ZDHHC17: variants seen among roughly 807,000 people sequenced by gnomAD.
The protein encoded by ZDHHC17 is zDHHC palmitoyltransferase 17.
Under a neutral mutation model 90.3 loss-of-function variants are expected in ZDHHC17, and 40 were observed. That is an observed-to-expected ratio of 0.44 (90% confidence interval 0.34 to 0.58). ZDHHC17 has a LOEUF of 0.58. Ranked by LOEUF, ZDHHC17 falls within the 20% of genes least tolerant of loss-of-function variation. The pLI, the probability that ZDHHC17 is intolerant of heterozygous loss-of-function variation, is 0.01. For missense variants in ZDHHC17, 614 were observed against 780.8 expected, an observed-to-expected ratio of 0.79 and a Z score of 2.55; for synonymous variants, 235 against 252.4, an observed-to-expected ratio of 0.93 and a Z score of 0.65.
intron 16 of ZDHHC17, 133 bp from the exon 17 acceptor site, chr12:76,850,714 T>G: frequency 1.0e-6 from 1 of 995,702 alleles, no homozygotes; most frequent in Non-Finnish European, 1.5e-6. Flanking sequence ...AGTTATGAAT[T>G]GGTTCCTTCT....
chr12:76,791,754 C>CA (rs1462212328), intron 1 of ZDHHC17, among the ~76,000 whole-genome samples: 8 of 152,310 alleles, frequency 5.3e-5, no homozygotes, highest in African/African-American at 1.7e-4. Context: ...AGTCACAAAT[C>CA]AGGCCTCCAG....
At chr12:76,846,564 C>T (rs773693425) in intron 13 of ZDHHC17, 32 bp from the exon 14 acceptor site, 4 of 1,579,242 alleles carry the variant, frequency 2.5e-6, no homozygotes, top group African/African-American at 2.7e-5. Flanking sequence ...TTTTTCTTAG[C>T]TGAAAAACCT....
intron 1 of ZDHHC17, among the ~76,000 whole-genome samples, chr12:76,789,402 A>G (rs996511166): frequency 4.6e-5 from 7 of 152,168 alleles, no homozygotes; most frequent in Admixed American, 6.5e-5. Flanking sequence ...GAAGACAGAG[A>G]AGAGGAAAGC....
chr12:76,810,973 G>C (rs996678513), intron 5 of ZDHHC17, among the ~76,000 whole-genome samples: 1 of 152,154 alleles, frequency 6.6e-6, no homozygotes, highest in African/African-American at 2.4e-5. Flanking sequence ...TGTAGTGTCA[G>C]AACTTCTACT....
chr12:76,815,523 T>C (rs1178838758), intron 6 of ZDHHC17, among the ~76,000 whole-genome samples: 1 of 151,904 alleles, frequency 6.6e-6, no homozygotes, highest in Non-Finnish European at 1.5e-5. Context: ...TTGTCTTAGA[T>C]CACTTTTGGA....
chr12:76,851,115 A>G lies in ZDHHC17; in HGVS notation c.*130A>G, dbSNP rs1953562407. ...ATGTGTAGGGCTAATGGTGAATTTT[A>G]CAGTCTTTTTTTCAACACTTTTATT... On this transcript the variant is annotated 3_prime_UTR_variant, in exon 17 of 17. Coordinates refer to ENST00000426126, the MANE Select transcript of ZDHHC17 (RefSeq NM_015336.4). 8.8e-7 allele frequency: 1 copy of G among 1,140,716 alleles called. No individual in the cohort carries two copies. The highest frequency in any genetic ancestry group is 1.2e-6 in the Non-Finnish European group (1 of 828,138). The allele number at this position is 1,140,716 out of a possible 1,614,324, so 70.7% of individuals were successfully genotyped here. A position where few individuals can be genotyped will look rare whatever the true frequency, so the allele number is the denominator to read the frequency against.
In ZDHHC17 at chr12:76,851,016, A is replaced by T; in HGVS notation, c.*31A>T. The T allele has an allele frequency of 6.2e-7, 1 of 1,612,528 alleles. No homozygotes were observed. The highest frequency in any genetic ancestry group is 1.1e-5 in the South Asian group (1 of 90,682). On this transcript the variant is annotated 3_prime_UTR_variant, in exon 17 of 17. Transcript: ENST00000426126. ...TCTTATCCTATGAAGCATATTGCTGAGTGGTGCCTGAAAATTGTGTCTGTC... is the reference window on the plus strand; with the variant it reads ...TCTTATCCTATGAAGCATATTGCTGTGTGGTGCCTGAAAATTGTGTCTGTC...
intron 10 of ZDHHC17, among the ~76,000 whole-genome samples, chr12:76,829,155 A>G (rs1313617112): frequency 1.3e-5 from 2 of 152,164 alleles, no homozygotes; most frequent in South Asian, 2.1e-4. Flanking sequence ...CGATTTCTCA[A>G]AAAACTAAAG....
At chr12:76,808,433 C>A (rs1203496585) in intron 3 of ZDHHC17, among the ~76,000 whole-genome samples, 1 of 152,086 alleles carries the variant, frequency 6.6e-6, no homozygotes, top group Non-Finnish European at 1.5e-5. Context: ...GAGTTGGAGA[C>A]CTGCCTGGGC....
chr12:76,809,793 G>C lies in ZDHHC17; in HGVS notation c.479G>C (p.Cys160Ser). 6.2e-7 allele frequency: 1 copy of C among 1,609,306 alleles called. No homozygotes were observed. Among genetic ancestry groups the C allele is most frequent in the Non-Finnish European group, 8.5e-7 (1 of 1,177,846 alleles). ...TTAATTGATGGAGAAGGATGTAGCT[G>C]TATTCATCTGGCTGCTCAGTTCGGA... ...PSLIDGEGCS[C>S]IHLAAQFGHT... Residue 160 changes from cysteine (C) to serine (S), a missense_variant, in exon 5 of 17, where the codon TGT becomes TCT. Around this residue, in one of 5 missense-constraint regions of ZDHHC17, gnomAD observed 358 missense variants for 380.4 expected, o/e 0.94. Transcript: ENST00000426126.
intron 1 of ZDHHC17, among the ~76,000 whole-genome samples, chr12:76,790,584 C>A (rs1952749365): frequency 6.6e-6 from 1 of 152,148 alleles, no homozygotes; most frequent in Admixed American, 6.5e-5. Flanking sequence ...TATATTGTTA[C>A]AAATACATGT....
intron 10 of ZDHHC17, among the ~76,000 whole-genome samples, chr12:76,837,119 C>G (rs1953374905): frequency 6.6e-6 from 1 of 152,082 alleles, no homozygotes; most frequent in African/African-American, 2.4e-5. Flanking sequence ...AGCTCAGCAA[C>G]ACATTTAAAA....
chr12:76,789,335 A>T (rs1195182680), intron 1 of ZDHHC17, among the ~76,000 whole-genome samples: 6 of 152,176 alleles, frequency 3.9e-5, no homozygotes, highest in Non-Finnish European at 8.8e-5. Context: ...CAAATGATTA[A>T]GATAGGATTC....
intron 10 of ZDHHC17, among the ~76,000 whole-genome samples, chr12:76,833,856 G>A (rs923783720): frequency 1.3e-5 from 2 of 152,052 alleles, no homozygotes; most frequent in Admixed American, 1.3e-4. Flanking sequence ...TAGGTAATCA[G>A]ATGTAAGACC....
At chr12:76,840,804 G>T (rs1391224363) in intron 10 of ZDHHC17, among the ~76,000 whole-genome samples, 1 of 152,134 alleles carries the variant, frequency 6.6e-6, no homozygotes, top group Non-Finnish European at 1.5e-5. Context: ...CAAATATGTA[G>T]TCATATATTG....
intron 12 of ZDHHC17, chr12:76,845,073 T>C (rs899468275): frequency 6.6e-6 from 1 of 152,082 alleles, no homozygotes; most frequent in Non-Finnish European, 1.5e-5. Context: ...AATAGTGACT[T>C]CTTAAGCATG....
At chr12:76,839,976 A>G (rs1175285436) in intron 10 of ZDHHC17, 1 of 152,208 alleles carries the variant, frequency 6.6e-6, no homozygotes, top group Non-Finnish European at 1.5e-5. Flanking sequence ...CATAGGTCAT[A>G]TGAGTCTGAG....
At chr12:76,795,992 G>A (rs1241231204) in intron 1 of ZDHHC17, among the ~76,000 whole-genome samples, 2 of 152,140 alleles carry the variant, frequency 1.3e-5, no homozygotes, top group African/African-American at 4.8e-5. Flanking sequence ...AAGATTATAT[G>A]CTAAGCAGAA....
chr12:76,799,980 A>T (rs77357839), intron 2 of ZDHHC17, among the ~76,000 whole-genome samples: 1,834 of 152,228 alleles, frequency 0.012, 43 homozygotes, highest in African/African-American at 0.041. Context: ...CTTTTATACA[A>T]TGTTTTTTAT....
Sources: gnomAD v4.1 joint callset for allele counts (sites outside exome capture counted in the v4.1 genomes callset) on GRCh38, gnomAD v4.1.1 for gene constraint, gnomAD v4.1.1 regional missense constraint, MANE v1.5 for transcripts, NCBI Gene and HGNC (gene_info 2026-07-23, HGNC 2026-07-21) for gene names.